The following ARFGEF1 variants were observed in gnomAD, a reference collection of about 807,000 sequenced individuals.
ARFGEF1 encodes the protein ARF guanine nucleotide exchange factor 1, also known as brefeldin A-inhibited guanine nucleotide-exchange protein 1.
Under a neutral mutation model 231.0 loss-of-function variants are expected in ARFGEF1, and 42 were observed. The observed-to-expected ratio is 0.18, with a 90% CI of 0.14 to 0.24. The LOEUF (loss-of-function observed/expected upper bound fraction) is 0.24. Ranked by LOEUF, ARFGEF1 falls within the 10% of genes least tolerant of loss-of-function variation. The pLI is 1.00. For missense variants in ARFGEF1, 1,345 were observed against 2,192.0 expected, an observed-to-expected ratio of 0.61 and a Z score of 7.72; for synonymous variants, 710 against 732.3, an observed-to-expected ratio of 0.97 and a Z score of 0.49.
chr8:67,212,956 G>C (rs1838803425), intron 33 of ARFGEF1, among the ~76,000 whole-genome samples: 1 of 152,130 alleles, frequency 6.6e-6, no homozygotes, highest in African/African-American at 2.4e-5. Flanking sequence ...TAAAAACCTT[G>C]CTCTGTATTA....
chr8:67,222,186 T>TATAC (rs1291720220), intron 29 of ARFGEF1, among the ~76,000 whole-genome samples: 4 of 127,998 alleles, frequency 3.1e-5, no homozygotes, highest in Non-Finnish European at 6.4e-5. Context: ...TATACACATA[T>TATAC]ATATATATAT....
In ARFGEF1 at chr8:67,266,182, C is replaced by T; in HGVS notation, c.1947G>A (p.Glu649=). 1 of 1,613,330 alleles carries T rather than the reference C, an allele frequency of 6.2e-7. No homozygotes were observed. The highest frequency in any genetic ancestry group is 2.2e-5 in the East Asian group (1 of 44,834). ...TLGQEKPSEQ[E]MSEIKHPETI... is the part of the protein sequence containing the mutation. ...TCTCAGGGTGTTTGATTTCACTCAT[C>T]TCTTGCTCTGAGGGTTTTTCCTGAC... Residue 649 remains glutamate (E), a synonymous_variant, in exon 14 of 39, where the codon GAG becomes GAA. Transcript: ENST00000262215.
At chr8:67,333,602 C>T (rs1808207103) in intron 1 of ARFGEF1, among the ~76,000 whole-genome samples, 1 of 152,072 alleles carries the variant, frequency 6.6e-6, no homozygotes, top group Admixed American at 6.6e-5. Context: ...GTGTGAGCCG[C>T]CACATCTGGC....
intron 14 of ARFGEF1, 146 bp downstream of exon 14, chr8:67,265,860 G>A (rs1430382600): frequency 1.4e-6 from 1 of 700,658 alleles, no homozygotes; most frequent in Non-Finnish European, 2.4e-6. Context: ...AATGAACAAG[G>A]GGGGCTGAAT....
intron 1 of ARFGEF1, among the ~76,000 whole-genome samples, chr8:67,310,996 C>A (rs1185644969): frequency 3.4e-5 from 4 of 117,900 alleles, no homozygotes; most frequent in African/African-American, 6.6e-5. Context: ...GGGGGTCAGC[C>A]CCCCGCCCGG....
At chr8:67,224,772 TAATA>T in intron 29 of ARFGEF1, 127 bp downstream of exon 29, 1 of 498,586 alleles carries the variant, frequency 2.0e-6, no homozygotes, top group East Asian at 3.6e-5. Flanking sequence ...AAAATATACC[TAATA>T]ATTAATATAT....
chr8:67,253,769 G>A, intron 17 of ARFGEF1, 147 bp from the exon 18 acceptor site: 1 of 464,412 alleles, frequency 2.2e-6, no homozygotes, highest in Non-Finnish European at 3.6e-6. Context: ...AGATAAAAAT[G>A]AAAAAAATCA....
At chr8:67,306,454 C>T (rs1349033395) in intron 1 of ARFGEF1, among the ~76,000 whole-genome samples, 1 of 151,390 alleles carries the variant, frequency 6.6e-6, no homozygotes, top group African/African-American at 2.4e-5. Flanking sequence ...ACAGGAAAGA[C>T]TTTTTTTTTA....
At chr8:67,246,814 G>T (rs925407596) in intron 19 of ARFGEF1, among the ~76,000 whole-genome samples, 1 of 149,962 alleles carries the variant, frequency 6.7e-6, no homozygotes, top group Non-Finnish European at 1.5e-5. Context: ...CAAAAAGTTG[G>T]TTTTCTGAAA....
chr8:67,201,316 A>G (rs1372637103), intron 37 of ARFGEF1, 151 bp downstream of exon 37: 4 of 975,472 alleles, frequency 4.1e-6, no homozygotes, highest in Non-Finnish European at 2.9e-6. Context: ...ACTCATCTCT[A>G]AGACTGAATT....
intron 14 of ARFGEF1, among the ~76,000 whole-genome samples, chr8:67,261,163 T>G (rs1415369209): frequency 6.6e-6 from 1 of 152,140 alleles, no homozygotes; most frequent in Non-Finnish European, 1.5e-5. Flanking sequence ...CCAGAAGATG[T>G]AGCTACGATC....
chr8:67,343,093 A>ACCCCCCCCCCCGCCCCCCCCCCCCCCCC, intron 1 of ARFGEF1, 71 bp downstream of exon 1: 1 of 184,674 alleles, frequency 5.4e-6, no homozygotes, highest in South Asian at 7.6e-5. Flanking sequence ...GGGCGACCCC[A>ACCCCCCCCCCCGCCCCCCCCCCCCCCCC]CCCCCCCACA....
intron 13 of ARFGEF1, 22 bp from the exon 14 acceptor site, chr8:67,266,229 G>A (rs763205552): frequency 1.3e-6 from 2 of 1,598,958 alleles, no homozygotes; most frequent in Non-Finnish European, 1.7e-6. Flanking sequence ...AAAATTGATA[G>A]AGTACATTAT....
At chr8:67,223,707 A>T (rs1217663378) in intron 29 of ARFGEF1, among the ~76,000 whole-genome samples, 1 of 152,196 alleles carries the variant, frequency 6.6e-6, no homozygotes, top group African/African-American at 2.4e-5. Flanking sequence ...AGGCTAAGAA[A>T]GCAGGTGGAT....
intron 33 of ARFGEF1, among the ~76,000 whole-genome samples, chr8:67,212,879 T>A (rs1838800699): frequency 6.6e-6 from 1 of 152,236 alleles, no homozygotes; most frequent in South Asian, 2.1e-4. Flanking sequence ...AACAGTCTGA[T>A]GATTTCTAAA....
At position 67,247,542 on chromosome 8, in the gene ARFGEF1, G is replaced by A. The variant is rs533555167; in HGVS notation, c.2850+3757C>T. 2.0e-5 allele frequency among the ~76,000 whole-genome samples: 3 copies of A among 149,842 alleles called. 1 individual carries two copies. The highest frequency in any genetic ancestry group is 7.4e-5 in the African/African-American group (3 of 40,330). ...GCATTTGATAAAAACTCTCAAAGAA[G>A]TAGGTATAGAAGGAATATTCCTCAA... On this transcript the variant is annotated intron_variant, in intron 19 of 38. Coordinates refer to ENST00000262215, the MANE Select transcript of ARFGEF1 (RefSeq NM_006421.5).
chr8:67,192,664 A>C (rs1160000534), downstream of ARFGEF1, among the ~76,000 whole-genome samples: 1 of 152,218 alleles, frequency 6.6e-6, no homozygotes, highest in South Asian at 2.1e-4. Context: ...TTGTAGGTCC[A>C]TGATACACTT....
chr8:67,198,440 G>C lies in ARFGEF1; in HGVS notation c.*494C>G. The C allele has an allele frequency of 2.0e-6, 2 of 986,890 alleles. No individual in the cohort carries two copies. The highest frequency in any genetic ancestry group is 2.4e-6 in the Non-Finnish European group (2 of 830,722). The allele number at this position is 986,890 out of a possible 1,614,324, so 61.1% of individuals were successfully genotyped here. ...AGGATGATTACCAGTATCTCAGATA[G>C]CCTGAGTGTGCAAAAATCTTCAGAA... On this transcript the variant is annotated 3_prime_UTR_variant, in exon 39 of 39. Transcript: ENST00000262215.
downstream of ARFGEF1, chr8:67,193,740 TA>T: frequency 3.1e-6 from 2 of 636,562 alleles, no homozygotes; most frequent in Non-Finnish European, 5.1e-6. Flanking sequence ...CAAGACATAG[TA>T]ACTATTGAGC....
Sources: gnomAD v4.1 joint callset for allele counts (sites outside exome capture counted in the v4.1 genomes callset) on GRCh38, gnomAD v4.1.1 for gene constraint, MANE v1.5 for transcripts, NCBI Gene and HGNC (gene_info 2026-07-23, HGNC 2026-07-21) for gene names.